The following YES1 variants were observed in gnomAD, a reference collection of about 807,000 sequenced individuals.
The protein encoded by YES1 is tyrosine-protein kinase Yes.
YES1 carries 39 observed loss-of-function variants against 70.4 expected under a neutral mutation model. The ratio of observed to expected loss-of-function variants is 0.55; its 90% CI spans 0.43 to 0.72. YES1 has a LOEUF of 0.72. Ranked by LOEUF, YES1 falls within the 30% of genes least tolerant of loss-of-function variation. YES1 has a pLI of 0.00. For missense variants in YES1, 495 were observed against 644.8 expected, an observed-to-expected ratio of 0.77 and a Z score of 2.52; for synonymous variants, 198 against 218.6, an observed-to-expected ratio of 0.91 and a Z score of 0.83.
At chr18:736,293 C>T (rs2080152194) in intron 10 of YES1, 2 of 154,998 alleles carry the variant, frequency 1.3e-5, no homozygotes, top group Admixed American at 6.5e-5. Context: ...TCAATCTCAG[C>T]ACCGCTACCA....
chr18:743,235 G>A (rs778845997), intron 7 of YES1, 25 bp downstream of exon 7: 1 of 1,599,242 alleles, frequency 6.3e-7, no homozygotes, highest in Non-Finnish European at 8.5e-7. Flanking sequence ...AACAATGACA[G>A]AAAACAAAAA....
At chr18:812,252 G>T (rs1311983815), upstream of YES1, 1 of 151,666 alleles carries the variant, frequency 6.6e-6, no homozygotes, top group Non-Finnish European at 1.5e-5. Context: ...CGGCAGAGCC[G>T]GCCCGGGACG....
chr18:807,288 C>A (rs1394419996), intron 1 of YES1, among the ~76,000 whole-genome samples: 1 of 149,610 alleles, frequency 6.7e-6, no homozygotes, highest in African/African-American at 2.5e-5. Context: ...GAGCCAAGAT[C>A]GTGCCATTGC....
At chr18:750,333 A>G (rs1482710007) in intron 3 of YES1, among the ~76,000 whole-genome samples, 1 of 152,216 alleles carries the variant, frequency 6.6e-6, no homozygotes, top group Non-Finnish European at 1.5e-5. Context: ...TGCTGGAAAT[A>G]AAAGTAAAAA....
chr18:741,988 T>C (rs1367615555), intron 8 of YES1, among the ~76,000 whole-genome samples: 1 of 152,172 alleles, frequency 6.6e-6, no homozygotes, highest in Admixed American at 6.5e-5. Context: ...GGAAAAATTT[T>C]CCTACAGCAA....
chr18:764,284 A>G (rs62088305), intron 1 of YES1, among the ~76,000 whole-genome samples: 87,366 of 152,016 alleles, frequency 0.57, 25,849 homozygotes, highest in African/African-American at 0.72. Flanking sequence ...GCACAATGGT[A>G]CAATCCCGGC....
chr18:807,737 G>T (rs1386703209), intron 1 of YES1, among the ~76,000 whole-genome samples: 1 of 152,146 alleles, frequency 6.6e-6, no homozygotes, highest in African/African-American at 2.4e-5. Context: ...CAAAATTCAG[G>T]CAGCCACCAC....
Position 723,974 on chromosome 18 carries a change from T to C in YES1, c.*450A>G, listed in dbSNP as rs2079988654. 6.4e-6 allele frequency: 1 copy of C among 155,868 alleles called. No homozygotes were observed. Among genetic ancestry groups the C allele is most frequent in the Admixed American group, 6.3e-5 (1 of 15,940 alleles). 9.7% of individuals were successfully genotyped at this position (155,868 alleles called of 1,614,324 possible). A position where few individuals can be genotyped will look rare whatever the true frequency, so the allele number is the denominator to read the frequency against. On this transcript the variant is annotated 3_prime_UTR_variant, in exon 12 of 12. Coordinates refer to ENST00000314574, the MANE Select transcript of YES1 (RefSeq NM_005433.4). ...TGAGAATAATAAATGCAAGAAACTT[T>C]AAAAAACTGGAATGGAATTATTTGG...
intron 1 of YES1, among the ~76,000 whole-genome samples, chr18:785,196 T>C (rs564736715): frequency 1.3e-5 from 2 of 152,166 alleles, no homozygotes; most frequent in Non-Finnish European, 2.9e-5. Flanking sequence ...AGTTTTATTG[T>C]ATTTTATGTG....
chr18:725,455 TA>T (rs1210704102), intron 11 of YES1, among the ~76,000 whole-genome samples: 1 of 152,204 alleles, frequency 6.6e-6, no homozygotes, highest in East Asian at 1.9e-4. Flanking sequence ...GATTTTTAGT[TA>T]TTTTTTTGAG....
chr18:811,090 G>A (rs74864857), intron 1 of YES1, among the ~76,000 whole-genome samples: 8,737 of 152,038 alleles, frequency 0.057, 351 homozygotes, highest in East Asian at 0.13. Context: ...AATTATCAAG[G>A]TATCTTTGGC....
rs532156117 is a variant in YES1, at chr18:757,358, C to A, written c.-8-523G>T. 1.5e-3 allele frequency among the ~76,000 whole-genome samples: 221 copies of A among 152,028 alleles called. 3 individuals are homozygous for A. The highest frequency in any genetic ancestry group is 0.011 in the South Asian group (54 of 4,812). On this transcript the variant is annotated intron_variant, in intron 1 of 11. Coordinates refer to ENST00000314574, the MANE Select transcript of YES1 (RefSeq NM_005433.4). ...CTCTACTAAAAATGCAAAAAATTAG[C>A]CGGGCGTGGTGGTGGGCGCCTGTAG...
chr18:795,313 G>A (rs1388109372), intron 1 of YES1, among the ~76,000 whole-genome samples: 9 of 152,138 alleles, frequency 5.9e-5, no homozygotes, highest in Non-Finnish European at 1.3e-4. Flanking sequence ...AAATGGTGGT[G>A]GTGGGGACAC....
Position 756,621 on chromosome 18 carries a change from C to T in YES1, c.207G>A (p.Thr69=), listed in dbSNP as rs138908805. Residue 69 remains threonine, a synonymous_variant, in exon 2 of 12, where the codon ACG becomes ACA. Transcript: ENST00000314574. ...MTPFGGSSGV[T]PFGGASSSFS... is the part of the protein sequence containing the mutation. ...ATGAGGAAGATGCACCTCCAAAAGG[C>T]GTTACCCCTGAGGATCCTCCAAATG... 5.3e-5 allele frequency: 85 copies of T among 1,614,142 alleles called. 1 individual carries two copies. The East Asian group carries it at 1.1e-3, about 21-fold the overall frequency.
intron 8 of YES1, among the ~76,000 whole-genome samples, chr18:742,703 A>C (rs1314011537): frequency 6.6e-6 from 1 of 152,228 alleles, no homozygotes; most frequent in Non-Finnish European, 1.5e-5. Flanking sequence ...TTTCAAAATT[A>C]ATTCAGCCTG....
intron 1 of YES1, among the ~76,000 whole-genome samples, chr18:763,156 C>CTGTT (rs1904681292): frequency 1.3e-5 from 2 of 151,996 alleles, no homozygotes; most frequent in South Asian, 4.2e-4. Flanking sequence ...GTGTGAGGGG[C>CTGTT]TGTTTGTGAG....
intron 1 of YES1, among the ~76,000 whole-genome samples, chr18:758,187 C>A (rs558785776): frequency 1.3e-5 from 2 of 151,990 alleles, no homozygotes; most frequent in Non-Finnish European, 2.9e-5. Context: ...CAACATGTAA[C>A]CGATATAAAC....
chr18:741,811 CAACA>C (rs937571904), intron 8 of YES1, among the ~76,000 whole-genome samples: 6 of 150,548 alleles, frequency 4.0e-5, no homozygotes, highest in East Asian at 3.9e-4. Context: ...AAAACAAAAA[CAACA>C]AACAAACAAG....
At chr18:802,063 T>G (rs934791218) in intron 1 of YES1, among the ~76,000 whole-genome samples, 15 of 152,224 alleles carry the variant, frequency 9.9e-5, no homozygotes, top group Admixed American at 7.9e-4. Flanking sequence ...ACAGCTGATA[T>G]CTATTATAAA....
Sources: gnomAD v4.1 joint callset for allele counts (sites outside exome capture counted in the v4.1 genomes callset) on GRCh38, gnomAD v4.1.1 for gene constraint, MANE v1.5 for transcripts, NCBI Gene and HGNC (gene_info 2026-07-23, HGNC 2026-07-21) for gene names.